The following AKT3 variants were observed in gnomAD, a reference collection of about 807,000 sequenced individuals.
AKT3 encodes the protein RAC-gamma serine/threonine-protein kinase.
Under a neutral mutation model 65.3 loss-of-function variants are expected in AKT3, and 15 were observed. That is an observed-to-expected ratio of 0.23 (90% CI 0.15 to 0.35). AKT3 has a LOEUF of 0.35. Ranked by LOEUF, AKT3 falls within the 10% of genes least tolerant of loss-of-function variation. The pLI is 1.00. For missense variants in AKT3, 243 were observed against 576.5 expected (o/e 0.42, Z 5.92); for synonymous variants, 206 against 183.8 (o/e 1.12, Z -0.98).
At chr1:243,555,794 C>T (rs1469252780) in intron 10 of AKT3, among the ~76,000 whole-genome samples, 4 of 152,058 alleles carry the variant, frequency 2.6e-5, no homozygotes, top group Non-Finnish European at 5.9e-5. Context: ...AAATATGCTC[C>T]TGAAAAAATC....
chr1:243,595,349 TTGAG>T (rs750576253), intron 8 of AKT3, among the ~76,000 whole-genome samples: 5 of 152,194 alleles, frequency 3.3e-5, no homozygotes, highest in Non-Finnish European at 5.9e-5. Flanking sequence ...GGAAGCTGCT[TTGAG>T]TGAGTGAGTG....
At chr1:243,575,544 C>G (rs1674877275) in intron 8 of AKT3, among the ~76,000 whole-genome samples, 1 of 151,930 alleles carries the variant, frequency 6.6e-6, no homozygotes, top group Non-Finnish European at 1.5e-5. Context: ...CAATTCCTGC[C>G]ATTAAGCAAT....
intron 2 of AKT3, among the ~76,000 whole-genome samples, chr1:243,819,907 G>A (rs1357905834): frequency 6.6e-6 from 1 of 152,060 alleles, no homozygotes; most frequent in Non-Finnish European, 1.5e-5. Flanking sequence ...CAGCCCTACG[G>A]GAGAGGGGCC....
intron 6 of AKT3, among the ~76,000 whole-genome samples, chr1:243,636,540 T>G (rs1679985846): frequency 6.6e-6 from 1 of 152,044 alleles, no homozygotes; most frequent in Admixed American, 6.6e-5. Context: ...TCCAGAGGTT[T>G]TATTATACCA....
rs544585028 is a variant in AKT3 at position 243,507,396 on chromosome 1, C to A, written c.1355-2062G>T. Among the ~76,000 whole-genome samples, 11 of 152,348 alleles carry A rather than the reference C, an allele frequency of 7.2e-5. No individual in the cohort carries two copies. In the South Asian group the frequency reaches 2.1e-3, roughly 29 times the overall value. ...AATTTCACAGATATCCCTGAGGGCC[C>A]CAATCCTTGATATTCTTTAAAGCCA... On this transcript the variant is annotated intron_variant, in intron 13 of 13. Coordinates refer to ENST00000673466, the MANE Select transcript of AKT3 (RefSeq NM_005465.7).
chr1:243,664,227 C>A (rs1361506777), intron 4 of AKT3, among the ~76,000 whole-genome samples: 2 of 115,798 alleles, frequency 1.7e-5, no homozygotes, highest in Admixed American at 1.2e-4. Context: ...GACAGAGTCT[C>A]GCTCTGTCGC....
At chr1:243,620,139 T>C (rs1201261985) in intron 6 of AKT3, among the ~76,000 whole-genome samples, 1 of 97,416 alleles carries the variant, frequency 1.0e-5, no homozygotes, top group Non-Finnish European at 2.9e-5. Flanking sequence ...GCTGTTCTTG[T>C]GATAGTGAGT....
chr1:243,784,649 G>A (rs1486671993), intron 2 of AKT3, among the ~76,000 whole-genome samples: 1 of 152,132 alleles, frequency 6.6e-6, no homozygotes. Flanking sequence ...GGGTGATACT[G>A]CCAGGTCTCC....
intron 2 of AKT3, among the ~76,000 whole-genome samples, chr1:243,800,930 C>T (rs1692344011): frequency 6.6e-6 from 1 of 152,092 alleles, no homozygotes; most frequent in South Asian, 2.1e-4. Context: ...AAATACTTAA[C>T]TATTATTTCT....
chr1:243,802,121 A>G (rs577535527), intron 2 of AKT3, among the ~76,000 whole-genome samples: 11 of 152,286 alleles, frequency 7.2e-5, no homozygotes, highest in Non-Finnish European at 1.5e-4. Context: ...CAGACCCCAA[A>G]GGCCGCAGCT....
chr1:243,790,279 C>A (rs1412444004), intron 2 of AKT3, among the ~76,000 whole-genome samples: 3 of 152,336 alleles, frequency 2.0e-5, no homozygotes, highest in Non-Finnish European at 4.4e-5. Context: ...CCACCTTCAT[C>A]AATGATCTTC....
chr1:243,835,822 T>A (rs9428981), intron 2 of AKT3, among the ~76,000 whole-genome samples: 126,472 of 152,022 alleles, frequency 0.83, 52,773 homozygotes, highest in Non-Finnish European at 0.86. Flanking sequence ...TGAAGAGAGG[T>A]ATTTTTTTAA....
At chr1:243,569,393 A>G (rs760752047) in intron 9 of AKT3, among the ~76,000 whole-genome samples, 1 of 152,232 alleles carries the variant, frequency 6.6e-6, no homozygotes, top group Non-Finnish European at 1.5e-5. Context: ...AGGAATGAAG[A>G]GCAGTGGCTT....
At chr1:243,529,063 G>C (rs941797635) in intron 12 of AKT3, among the ~76,000 whole-genome samples, 3 of 151,422 alleles carry the variant, frequency 2.0e-5, no homozygotes, top group African/African-American at 7.3e-5. Context: ...GTGATGTTAG[G>C]CATTTTTTCA....
chr1:243,517,252 G>A (rs1406334875), intron 12 of AKT3, among the ~76,000 whole-genome samples: 1 of 152,120 alleles, frequency 6.6e-6, no homozygotes, highest in African/African-American at 2.4e-5. Flanking sequence ...TGTGATAAAT[G>A]ATCTGTGACC....
intron 8 of AKT3, among the ~76,000 whole-genome samples, chr1:243,595,502 AT>A (rs1676541348): frequency 6.6e-6 from 1 of 152,206 alleles, no homozygotes; most frequent in South Asian, 2.1e-4. Context: ...ACACTTTAAA[AT>A]TTTTAAAAAC....
At chr1:243,672,012 C>T (rs1201888647) in intron 3 of AKT3, among the ~76,000 whole-genome samples, 1 of 151,458 alleles carries the variant, frequency 6.6e-6, no homozygotes, top group African/African-American at 2.5e-5. Flanking sequence ...CGTGCTTGGC[C>T]CTTCTCCCAT....
intron 2 of AKT3, among the ~76,000 whole-genome samples, chr1:243,737,301 G>C (rs1320316366): frequency 6.6e-6 from 1 of 152,182 alleles, no homozygotes; most frequent in Admixed American, 6.5e-5. Context: ...AATTAAATGA[G>C]ATTAATTCAG....
chr1:243,613,452 A>C (rs1026424224), intron 8 of AKT3, among the ~76,000 whole-genome samples: 1 of 152,176 alleles, frequency 6.6e-6, no homozygotes, highest in African/African-American at 2.4e-5. Context: ...AAAAAGAAGA[A>C]TATGATTATG....
Sources: allele counts gnomAD v4.1 joint callset (sites outside exome capture counted in the v4.1 genomes callset), GRCh38; gene constraint gnomAD v4.1.1; transcripts MANE v1.5; gene names NCBI Gene and HGNC (gene_info 2026-07-23, HGNC 2026-07-21).